PCSK5: variants seen among roughly 807,000 people sequenced by gnomAD.
PCSK5 encodes the protein prohormone convertase 5.
Under a neutral mutation model 233.2 loss-of-function variants are expected in PCSK5, and 129 were observed. The observed-to-expected ratio is 0.55, with a 90% CI of 0.48 to 0.64. PCSK5 has a LOEUF of 0.64. PCSK5 is among the 30% of genes least tolerant of loss of function. The pLI is 0.00. For synonymous variants in PCSK5, 825 were observed against 879.2 expected (o/e 0.94, Z 1.09); for missense variants, 2,076 against 2,430.1 (o/e 0.85, Z 3.06).
rs143585348 is a variant in PCSK5 at position 75,891,196 on chromosome 9, C to A, written c.15C>A (p.Ser5Arg). MGWG[S>R]RCCCPGRLDL... ...GCGCCGGGACCATGGGCTGGGGGAGCCGCTGCTGCTGCCCGGGACGTTTGG... is the reference window on the plus strand; with the variant it reads ...GCGCCGGGACCATGGGCTGGGGGAGACGCTGCTGCTGCCCGGGACGTTTGG... Residue 5 changes from serine to arginine, a missense_variant, in exon 1 of 38, where the codon AGC becomes AGA. Ser to Arg is a moderately radical substitution (Grantham distance 110). Transcript: ENST00000674117. 1.4e-5 allele frequency: 21 copies of A among 1,480,258 alleles called. No homozygotes were observed. The highest frequency in any genetic ancestry group is 1.7e-5 in the Non-Finnish European group (19 of 1,124,006). 91.7% of individuals were successfully genotyped at this position (1,480,258 alleles called of 1,614,324 possible).
intron 3 of PCSK5, among the ~76,000 whole-genome samples, chr9:75,996,168 G>A (rs545802563): frequency 3.3e-5 from 5 of 152,206 alleles, no homozygotes; most frequent in South Asian, 2.1e-4. Context: ...CGTATCTCAG[G>A]TGTGGTCTGT....
At chr9:75,932,056 T>C (rs962838351) in intron 1 of PCSK5, among the ~76,000 whole-genome samples, 1 of 152,210 alleles carries the variant, frequency 6.6e-6, no homozygotes, top group Non-Finnish European at 1.5e-5. Context: ...TTCCCACATT[T>C]GGGTATAGAT....
chr9:75,940,933 A>C (rs1268615739), intron 2 of PCSK5, among the ~76,000 whole-genome samples: 2 of 152,216 alleles, frequency 1.3e-5, no homozygotes, highest in Admixed American at 6.5e-5. Flanking sequence ...TTAGTTAAAA[A>C]TAAGTATTCA....
intron 24 of PCSK5, among the ~76,000 whole-genome samples, chr9:76,253,396 T>A (rs1474594116): frequency 6.6e-6 from 1 of 152,212 alleles, no homozygotes; most frequent in Non-Finnish European, 1.5e-5. Flanking sequence ...ACTGTTTCTA[T>A]TTTGTATTCA....
At chr9:76,021,810 T>G (rs1429030671) in intron 3 of PCSK5, among the ~76,000 whole-genome samples, 1 of 152,154 alleles carries the variant, frequency 6.6e-6, no homozygotes, top group Non-Finnish European at 1.5e-5. Flanking sequence ...TAGGATGTAG[T>G]TGGAATAAAA....
intron 14 of PCSK5, 181 bp downstream of exon 14, chr9:76,175,310 TAGAACAGAAC>T (rs763230045): frequency 4.1e-6 from 2 of 493,190 alleles, no homozygotes; most frequent in Non-Finnish European, 7.2e-6. Flanking sequence ...TAGAATAGAA[TAGAACAGAAC>T]AGAATAGAAT....
At chr9:76,294,157 A>G (rs940596556) in intron 25 of PCSK5, among the ~76,000 whole-genome samples, 4 of 149,998 alleles carry the variant, frequency 2.7e-5, no homozygotes, top group Admixed American at 6.7e-5. Flanking sequence ...AGATCATGCC[A>G]TTGCACTCCA....
At chr9:75,996,555 C>T (rs1340506) in intron 3 of PCSK5, among the ~76,000 whole-genome samples, 44,015 of 152,078 alleles carry the variant, frequency 0.29, 7,513 homozygotes, top group African/African-American at 0.48. Flanking sequence ...TTAAGAATGT[C>T]AAATTAACCT....
chr9:76,027,848 A>G (rs1293110833), intron 5 of PCSK5, among the ~76,000 whole-genome samples: 3 of 152,086 alleles, frequency 2.0e-5, no homozygotes, highest in Non-Finnish European at 4.4e-5. Context: ...CTTTCATTTG[A>G]ATTTTTATTT....
intron 20 of PCSK5, among the ~76,000 whole-genome samples, chr9:76,225,198 T>C (rs1825849994): frequency 6.6e-6 from 1 of 152,236 alleles, no homozygotes. Context: ...AATTGTGTTA[T>C]AACTATCTAT....
At chr9:76,187,596 C>T (rs946044413) in intron 17 of PCSK5, among the ~76,000 whole-genome samples, 4 of 152,064 alleles carry the variant, frequency 2.6e-5, no homozygotes, top group Non-Finnish European at 5.9e-5. Context: ...CTCCTGGCTT[C>T]GAGTGATCCA....
intron 16 of PCSK5, among the ~76,000 whole-genome samples, chr9:76,183,004 C>T (rs1310319101): frequency 1.3e-5 from 2 of 152,156 alleles, no homozygotes; most frequent in African/African-American, 2.4e-5. Flanking sequence ...TGGGTAAGGA[C>T]TCTGCCTTTC....
chr9:76,243,239 C>T (rs927078412), intron 24 of PCSK5, among the ~76,000 whole-genome samples: 2 of 152,190 alleles, frequency 1.3e-5, no homozygotes, highest in Admixed American at 1.3e-4. Context: ...CCATTCATTA[C>T]TTAAGAAACT....
intron 10 of PCSK5, among the ~76,000 whole-genome samples, chr9:76,152,756 A>G (rs1046248873): frequency 2.0e-5 from 3 of 151,942 alleles, no homozygotes; most frequent in African/African-American, 7.3e-5. Flanking sequence ...AGAAACTTCT[A>G]TTTTTTTTCC....
At chr9:76,044,920 T>C (rs1829313474) in intron 5 of PCSK5, among the ~76,000 whole-genome samples, 1 of 152,230 alleles carries the variant, frequency 6.6e-6, no homozygotes, top group Non-Finnish European at 1.5e-5. Context: ...TTAAATAGTC[T>C]ATTTAAAGTC....
At chr9:76,199,682 T>C (rs576109098) in intron 20 of PCSK5, among the ~76,000 whole-genome samples, 1 of 151,984 alleles carries the variant, frequency 6.6e-6, no homozygotes, top group South Asian at 2.1e-4. Flanking sequence ...CTGGATATCA[T>C]CCTCACTTCT....
At chr9:75,953,049 A>C (rs963873864) in intron 2 of PCSK5, among the ~76,000 whole-genome samples, 1 of 152,216 alleles carries the variant, frequency 6.6e-6, no homozygotes, top group African/African-American at 2.4e-5. Context: ...TTGACAATAT[A>C]TATTACGTTA....
chr9:75,912,310 C>T (rs549448000), intron 1 of PCSK5, among the ~76,000 whole-genome samples: 1 of 152,070 alleles, frequency 6.6e-6, no homozygotes, highest in Non-Finnish European at 1.5e-5. Flanking sequence ...AGGAGAGAAC[C>T]CTACTATGTT....
intron 1 of PCSK5, among the ~76,000 whole-genome samples, chr9:75,894,081 C>T (rs888169340): frequency 6.6e-6 from 1 of 152,178 alleles, no homozygotes; most frequent in African/African-American, 2.4e-5. Flanking sequence ...GCAGATGCGT[C>T]TGGAATGTTC....
Sources: gnomAD v4.1 joint callset for allele counts (sites outside exome capture counted in the v4.1 genomes callset) on GRCh38, gnomAD v4.1.1 for gene constraint, MANE v1.5 for transcripts, NCBI Gene and HGNC (gene_info 2026-07-23, HGNC 2026-07-21) for gene names.